Variants in SGMS1 observed in about 807,000 individuals in gnomAD.
SGMS1 encodes the protein phosphatidylcholine:ceramide cholinephosphotransferase 1.
Under a neutral mutation model 46.2 loss-of-function variants are expected in SGMS1, and 13 were observed. The observed-to-expected ratio is 0.28, with a 90% CI of 0.18 to 0.45. The LOEUF (loss-of-function observed/expected upper bound fraction) is 0.45, where lower values mean the gene tolerates loss of function less well. SGMS1 is among the 20% of genes least tolerant of loss of function. SGMS1 has a pLI of 1.00. For synonymous variants in SGMS1, 203 were observed against 187.8 expected (o/e 1.08, Z -0.66); for missense variants, 324 against 519.9 (o/e 0.62, Z 3.66).
chr10:50,441,454 C>T (rs924537704), intron 5 of SGMS1, among the ~76,000 whole-genome samples: 7 of 152,194 alleles, frequency 4.6e-5, no homozygotes, highest in African/African-American at 1.7e-4. Context: ...CAAACTCTAA[C>T]ACAAATAACT....
rs548462004 is a variant in SGMS1 at position 50,485,881 on chromosome 10, C to G, written c.-497-18949G>C. On this transcript the variant is annotated intron_variant, in intron 3 of 10. Transcript: ENST00000361781. ...CACTACTGCATTCCAGCCTGGGCAA[C>G]AGAGCAAGACTCTGTCTCAAAAACA... Among the ~76,000 whole-genome samples the G allele has an allele frequency of 2.6e-5, 4 of 152,224 alleles. No individual in the cohort carries two copies. In the South Asian group the frequency reaches 8.3e-4, roughly 32 times the overall value.
intron 6 of SGMS1, among the ~76,000 whole-genome samples, chr10:50,354,285 C>T (rs1043400854): frequency 2.6e-5 from 4 of 152,148 alleles, no homozygotes; most frequent in Admixed American, 6.5e-5. Flanking sequence ...GAAATAATGC[C>T]GCATATCCAC....
chr10:50,606,580 T>C (rs1163567300), intron 1 of SGMS1, among the ~76,000 whole-genome samples: 4 of 152,250 alleles, frequency 2.6e-5, no homozygotes, highest in Non-Finnish European at 5.9e-5. Context: ...TATATTTCTA[T>C]GCATATTTAA....
At position 50,359,682 on chromosome 10, in the gene SGMS1, C is replaced by CAA. The variant is rs34496581; in HGVS notation, c.-231-15339_-231-15338dup. 6.8e-3 allele frequency among the ~76,000 whole-genome samples: 961 copies of CAA among 140,302 alleles called. 27 individuals are homozygous for CAA. The East Asian group carries it at 0.085, about 12-fold the overall frequency. The allele number at this position is 140,302 out of a possible 152,430, so 92.0% of individuals were successfully genotyped here. ...AAATCTAAACAATCATTCATTATGG[C>CAA]AAAAAAAAAAAAACTAGAAAAAGAA... On this transcript the variant is annotated intron_variant, in intron 6 of 10. Coordinates refer to ENST00000361781, the MANE Select transcript of SGMS1 (RefSeq NM_147156.4).
intron 3 of SGMS1, among the ~76,000 whole-genome samples, chr10:50,492,071 T>C (rs187605072): frequency 4.6e-5 from 7 of 152,290 alleles, no homozygotes; most frequent in African/African-American, 1.7e-4. Flanking sequence ...AAAACCAACA[T>C]GATTATCTCA....
At chr10:50,551,163 T>C (rs1838145629) in intron 2 of SGMS1, among the ~76,000 whole-genome samples, 1 of 152,038 alleles carries the variant, frequency 6.6e-6, no homozygotes, top group African/African-American at 2.4e-5. Context: ...CTAGCTCAGC[T>C]TGATCAGGTG....
chr10:50,319,146 A>G (rs1847398730), intron 8 of SGMS1, among the ~76,000 whole-genome samples: 3 of 147,440 alleles, frequency 2.0e-5, no homozygotes, highest in Non-Finnish European at 4.5e-5. Context: ...CTGGTCAGGA[A>G]GTGAGATTTG....
intron 6 of SGMS1, among the ~76,000 whole-genome samples, chr10:50,352,802 A>G (rs1250695225): frequency 6.6e-6 from 1 of 152,236 alleles, no homozygotes. Context: ...AGAGAATACT[A>G]TAAACACCTC....
chr10:50,457,430 C>G (rs1037511716), intron 5 of SGMS1, among the ~76,000 whole-genome samples: 7 of 151,902 alleles, frequency 4.6e-5, no homozygotes, highest in African/African-American at 1.7e-4. Context: ...TTCTTTTCTA[C>G]TTTTATCTTA....
chr10:50,422,554 G>A (rs1849271170), intron 6 of SGMS1, among the ~76,000 whole-genome samples: 1 of 152,140 alleles, frequency 6.6e-6, no homozygotes, highest in Admixed American at 6.5e-5. Flanking sequence ...ATCCACTGTG[G>A]AGAACAGAAG....
chr10:50,313,106 T>C (rs967172220), intron 8 of SGMS1, among the ~76,000 whole-genome samples: 7 of 152,236 alleles, frequency 4.6e-5, no homozygotes, highest in African/African-American at 1.7e-4. Context: ...GACTTGGCCA[T>C]GAATAGCATT....
chr10:50,367,916 C>G (rs1051186442), intron 6 of SGMS1, among the ~76,000 whole-genome samples: 2 of 152,188 alleles, frequency 1.3e-5, no homozygotes, highest in Non-Finnish European at 2.9e-5. Flanking sequence ...GACCACAGCT[C>G]TAGTTTTGGA....
At chr10:50,486,037 T>G (rs1006178297) in intron 3 of SGMS1, among the ~76,000 whole-genome samples, 3 of 152,220 alleles carry the variant, frequency 2.0e-5, no homozygotes, top group Non-Finnish European at 4.4e-5. Flanking sequence ...CACCTCATTT[T>G]TGACAAACCT....
intron 6 of SGMS1, among the ~76,000 whole-genome samples, chr10:50,355,232 G>A (rs1848121549): frequency 1.3e-5 from 2 of 152,174 alleles, no homozygotes; most frequent in South Asian, 4.1e-4. Flanking sequence ...AGAAAACGTG[G>A]CACATATACA....
intron 5 of SGMS1, among the ~76,000 whole-genome samples, chr10:50,451,967 A>T (rs980566922): frequency 3.3e-5 from 5 of 152,182 alleles, no homozygotes; most frequent in African/African-American, 1.2e-4. Context: ...AACACTGAGT[A>T]AAAGGACTAA....
intron 6 of SGMS1, among the ~76,000 whole-genome samples, chr10:50,377,316 A>G (rs1848535151): frequency 6.6e-6 from 1 of 152,180 alleles, no homozygotes; most frequent in Non-Finnish European, 1.5e-5. Flanking sequence ...CTCCCATGAT[A>G]ACCCATTCAC....
At chr10:50,396,847 C>A (rs1225957801) in intron 6 of SGMS1, among the ~76,000 whole-genome samples, 1 of 152,054 alleles carries the variant, frequency 6.6e-6, no homozygotes, top group Non-Finnish European at 1.5e-5. Context: ...TAGCTAGGTC[C>A]CCTCCCCTCA....
intron 3 of SGMS1, among the ~76,000 whole-genome samples, chr10:50,515,202 T>C (rs1408304072): frequency 6.6e-6 from 1 of 152,182 alleles, no homozygotes; most frequent in East Asian, 1.9e-4. Flanking sequence ...CGATTGTGAC[T>C]AAAGTACTGG....
At chr10:50,521,129 C>T (rs1387313838) in intron 2 of SGMS1, among the ~76,000 whole-genome samples, 2 of 152,094 alleles carry the variant, frequency 1.3e-5, no homozygotes, top group Non-Finnish European at 2.9e-5. Flanking sequence ...CTCAGCCTTC[C>T]AAAGTGCTGG....
Sources: allele counts gnomAD v4.1 joint callset (sites outside exome capture counted in the v4.1 genomes callset), GRCh38; gene constraint gnomAD v4.1.1; transcripts MANE v1.5; gene names NCBI Gene and HGNC (gene_info 2026-07-23, HGNC 2026-07-21).